RASSF2: variants seen among roughly 807,000 people sequenced by gnomAD.
RASSF2 encodes the protein Ras association domain family member 2.
Under a neutral mutation model 46.3 loss-of-function variants are expected in RASSF2, and 34 were observed. That is an observed-to-expected ratio of 0.73 (90% CI 0.56 to 0.98). RASSF2 has a LOEUF of 0.98. Ranked by LOEUF, RASSF2 falls within the 50% of genes least tolerant of loss-of-function variation. RASSF2 has a pLI of 0.00. For missense variants in RASSF2, 364 were observed against 431.2 expected, an observed-to-expected ratio of 0.84 and a Z score of 1.38; for synonymous variants, 158 against 162.5, an observed-to-expected ratio of 0.97 and a Z score of 0.21.
chr20:4,802,771 A>G (rs1926985820), intron 2 of RASSF2, among the ~76,000 whole-genome samples: 1 of 151,976 alleles, frequency 6.6e-6, no homozygotes, highest in South Asian at 2.1e-4. Context: ...TGATGGTTAC[A>G]CAACATGTGA....
intron 8 of RASSF2, among the ~76,000 whole-genome samples, chr20:4,788,653 C>T (rs1239982308): frequency 6.6e-6 from 1 of 152,180 alleles, no homozygotes; most frequent in Non-Finnish European, 1.5e-5. Flanking sequence ...GCCGTAAGCA[C>T]TTGTAACACA....
chr20:4,800,057 A>T (rs2122550048), intron 3 of RASSF2, among the ~76,000 whole-genome samples: 1 of 152,256 alleles, frequency 6.6e-6, no homozygotes, highest in East Asian at 1.9e-4. Flanking sequence ...GGTTGCCATG[A>T]ACTGAGATCA....
At chr20:4,820,710 G>T (rs930295031) in intron 2 of RASSF2, among the ~76,000 whole-genome samples, 2 of 152,056 alleles carry the variant, frequency 1.3e-5, no homozygotes, top group Admixed American at 1.3e-4. Flanking sequence ...ACAGATTGAA[G>T]ATAGAGGCTA....
At chr20:4,785,551 G>A (rs2422982) in intron 11 of RASSF2, among the ~76,000 whole-genome samples, 39,415 of 152,084 alleles carry the variant, frequency 0.26, 5,561 homozygotes, top group Non-Finnish European at 0.31. Context: ...ATCCTTCCCA[G>A]AAAGCCGCTT....
chr20:4,807,706 G>C (rs1927453073), intron 2 of RASSF2, among the ~76,000 whole-genome samples: 1 of 152,132 alleles, frequency 6.6e-6, no homozygotes, highest in African/African-American at 2.4e-5. Flanking sequence ...CCGACCTATG[G>C]GGTCATGTTG....
intron 4 of RASSF2, among the ~76,000 whole-genome samples, chr20:4,797,559 G>A (rs1220459580): frequency 1.4e-5 from 2 of 144,530 alleles, no homozygotes; most frequent in African/African-American, 2.6e-5. Context: ...GTGTGGGGAC[G>A]GGCCCACTAT....
Position 4,787,654 on chromosome 20 carries a change from C to A in RASSF2, c.792G>T (p.Gln264His). The A allele has an allele frequency of 3.1e-6, 5 of 1,614,178 alleles. No homozygotes were observed. The highest frequency in any genetic ancestry group is 1.7e-5 in the Admixed American group (1 of 60,026). Reference sequence around the variant, plus strand: ...TCACGTCGTAGGTGACTTCCTCCACCTGGTCCTTCTCCATTAGGAACACTT... The same window carrying A: ...TCACGTCGTAGGTGACTTCCTCCACATGGTCCTTCTCCATTAGGAACACTT... ...ISKVFLMEKD[Q>H]VEEVTYDVAQ... The change falls in exon 10 of 12, where the codon CAG (glutamine) becomes CAT (histidine). Residue 264 changes from glutamine (Q) to histidine (H), a missense_variant. Gln to His is a conservative substitution (Grantham distance 24). Transcript: ENST00000379400.
chr20:4,814,111 G>A (rs1184755812), intron 2 of RASSF2, among the ~76,000 whole-genome samples: 1 of 152,144 alleles, frequency 6.6e-6, no homozygotes, highest in Non-Finnish European at 1.5e-5. Context: ...TAGTTTTAAT[G>A]TCCTACCTGG....
At chr20:4,821,801 G>A (rs1928706915) in intron 2 of RASSF2, among the ~76,000 whole-genome samples, 1 of 149,432 alleles carries the variant, frequency 6.7e-6, no homozygotes, top group Admixed American at 6.7e-5. Flanking sequence ...ATCATTTGAG[G>A]CCCTCTTCCA....
chr20:4,817,091 G>C (rs146372197), intron 2 of RASSF2, among the ~76,000 whole-genome samples: 1 of 152,108 alleles, frequency 6.6e-6, no homozygotes, highest in Non-Finnish European at 1.5e-5. Context: ...GGCAACAAGA[G>C]TGAAACTACA....
chr20:4,796,256 C>T (rs1224511452), intron 4 of RASSF2, among the ~76,000 whole-genome samples: 2 of 152,178 alleles, frequency 1.3e-5, no homozygotes, highest in Non-Finnish European at 2.9e-5. Context: ...ATCCTAATGA[C>T]TTTTAAAGAA....
Position 4,795,764 on chromosome 20 carries a change from A to G in RASSF2, c.287+51T>C, listed in dbSNP as rs918870036. The G allele has an allele frequency of 1.3e-6, 2 of 1,562,896 alleles. No homozygotes were observed. Among genetic ancestry groups the G allele is most frequent in the Admixed American group, 1.8e-5 (1 of 55,412 alleles). On this transcript the variant is annotated intron_variant, in intron 5 of 11. Coordinates refer to ENST00000379400, the MANE Select transcript of RASSF2 (RefSeq NM_014737.3). This position sits in a 1 kb window ranked among gnomAD's most constrained non-coding sequence, Gnocchi z 4.0. ...AGCATTTATCTGCTTGAGAACACAT[A>G]GAACACCCAAGCATCCCAGTCATCT...
intron 11 of RASSF2, among the ~76,000 whole-genome samples, 187 bp downstream of exon 11, chr20:4,786,044 G>A (rs1925304295): frequency 6.6e-6 from 1 of 152,146 alleles, no homozygotes; most frequent in Non-Finnish European, 1.5e-5. Context: ...GACACAAGAA[G>A]TAGATGAACA....
intron 1 of RASSF2, among the ~76,000 whole-genome samples, chr20:4,823,212 G>A (rs1325626111): frequency 6.6e-6 from 1 of 152,034 alleles, no homozygotes; most frequent in Non-Finnish European, 1.5e-5. Flanking sequence ...TGGCGAGGTG[G>A]GGGGACGCGG....
chr20:4,791,128 G>A (rs563963014), intron 6 of RASSF2, among the ~76,000 whole-genome samples: 5 of 152,320 alleles, frequency 3.3e-5, no homozygotes, highest in African/African-American at 1.2e-4. Flanking sequence ...CCACTTATAT[G>A]AGATACTTAG....
rs1303458207 is a variant in RASSF2, at chr20:4,780,141, T to A, written c.*4132A>T. ...GCCCTGTCAGATTATGTTAGATGAG[T>A]AAACGCATCAGTGTGTAAGTTCAGA... On this transcript the variant is annotated 3_prime_UTR_variant, in exon 12 of 12. Transcript: ENST00000379400. 6.6e-6 allele frequency: 1 copy of A among 152,268 alleles called. No homozygotes were observed. Among genetic ancestry groups the A allele is most frequent in the Non-Finnish European group, 1.5e-5 (1 of 68,034 alleles). The allele number at this position is 152,268 out of a possible 1,614,324, so 9.4% of individuals were successfully genotyped here. A position where few individuals can be genotyped will look rare whatever the true frequency, so the allele number is the denominator to read the frequency against.
intron 2 of RASSF2, among the ~76,000 whole-genome samples, chr20:4,805,639 G>C (rs1315013523): frequency 1.3e-5 from 2 of 152,138 alleles, no homozygotes; most frequent in Non-Finnish European, 2.9e-5. Context: ...ATTTTGGAAA[G>C]GTCACCCACC....
intron 9 of RASSF2, 47 bp from the exon 10 acceptor site, chr20:4,787,801 A>G (rs1293836417): frequency 6.2e-7 from 1 of 1,602,752 alleles, no homozygotes; most frequent in South Asian, 1.1e-5. Context: ...CCTTTCTCAC[A>G]TTAAGTAGTG....
At position 4,785,609 on chromosome 20, in the gene RASSF2, G is replaced by A. The variant is rs1239224029; in HGVS notation, c.911+622C>T. Among the ~76,000 whole-genome samples, 5 of 152,156 alleles carry A rather than the reference G, an allele frequency of 3.3e-5. No homozygotes were observed. In the East Asian group the frequency reaches 7.7e-4, roughly 23 times the overall value. On this transcript the variant is annotated intron_variant, in intron 11 of 11. Transcript: ENST00000379400. ...TTCCAGAAGATAAATGTTACAAAGG[G>A]AGGAAGGGGGAGAGGAGAGGATTTT...
Sources: gnomAD v4.1 joint callset for allele counts (sites outside exome capture counted in the v4.1 genomes callset) on GRCh38, gnomAD v4.1.1 for gene constraint, Gnocchi (gnomAD v3.1) non-coding constraint, MANE v1.5 for transcripts, NCBI Gene and HGNC (gene_info 2026-07-23, HGNC 2026-07-21) for gene names.